USP31: variants seen among roughly 807,000 people sequenced by gnomAD.
USP31 encodes the protein ubiquitin specific peptidase 31, also known as ubiquitin carboxyl-terminal hydrolase 31.
A neutral mutation model predicts 119.4 loss-of-function variants in USP31; 44 were observed. That is an observed-to-expected ratio of 0.37 (90% CI 0.29 to 0.47). The LOEUF (loss-of-function observed/expected upper bound fraction) is 0.47. USP31 is among the 20% of genes least tolerant of loss of function. The pLI is 0.99. For missense variants in USP31, 1,643 were observed against 1,730.2 expected, an observed-to-expected ratio of 0.95 and a Z score of 0.89; for synonymous variants, 749 against 705.6, an observed-to-expected ratio of 1.06 and a Z score of -0.97.
chr16:23,097,361 C>CA (rs1190316619), intron 6 of USP31, among the ~76,000 whole-genome samples: 1 of 152,124 alleles, frequency 6.6e-6, no homozygotes, highest in African/African-American at 2.4e-5. Flanking sequence ...GCCTACCAAC[C>CA]AAAAAGAGTC....
chr16:23,072,243 G>C, intron 14 of USP31, 46 bp from the exon 15 acceptor site: 1 of 1,570,944 alleles, frequency 6.4e-7, no homozygotes, highest in Non-Finnish European at 8.6e-7. Context: ...GGGTCCCTCG[G>C]CCAGCCCTGA....
intron 1 of USP31, among the ~76,000 whole-genome samples, chr16:23,115,531 A>T (rs1902460346): frequency 6.6e-6 from 1 of 152,216 alleles, no homozygotes; most frequent in African/African-American, 2.4e-5. Flanking sequence ...AAAAGAAAAA[A>T]TAGAACATGC....
chr16:23,127,202 A>G (rs1902886660), intron 1 of USP31, among the ~76,000 whole-genome samples: 1 of 152,048 alleles, frequency 6.6e-6, no homozygotes, highest in Non-Finnish European at 1.5e-5. Context: ...CCAAGGCAGG[A>G]TGATTGCTTG....
chr16:23,079,257 A>C (rs926585101), intron 13 of USP31: 4 of 152,180 alleles, frequency 2.6e-5, no homozygotes, highest in African/African-American at 9.6e-5. Context: ...AAATGTTACC[A>C]GTGGTTATCT....
At chr16:23,147,516 T>C (rs1185589299) in intron 1 of USP31, among the ~76,000 whole-genome samples, 1 of 152,230 alleles carries the variant, frequency 6.6e-6, no homozygotes, top group East Asian at 1.9e-4. Flanking sequence ...AATTTCTTAG[T>C]GCATCCTAAA....
At position 23,148,916 on chromosome 16, in the gene USP31, AAGCGGGCGGCGCG is replaced by A; in HGVS notation, c.342_354del (p.Ala118SerfsTer18). ...ACGCCGGGCACCGGCTCGGCGGCGC[AAGCGGGCGGCGCG>A]GGAGAGGCGGGCGGCGGCGGGCACG... On this transcript the variant is annotated frameshift_variant, in exon 1 of 16. Transcript: ENST00000219689. LOFTEE classifies it high-confidence loss of function. The A allele has an allele frequency of 7.5e-7, 1 of 1,338,442 alleles. No homozygotes were observed. The highest frequency in any genetic ancestry group is 9.6e-7 in the Non-Finnish European group (1 of 1,038,330). The allele number at this position is 1,338,442 out of a possible 1,614,324, so 82.9% of individuals were successfully genotyped here.
rs1902108850 is a variant in USP31, at chr16:23,106,448, A to T, written c.811T>A (p.Phe271Ile). The stretch of plus-strand genomic sequence containing the variant: ...TGTACAAAAGTGCTACAGACAGGGA[A>T]AGATGGTCCCTCAGGCATCATATCA... ...ETDMMPEGPS[F>I]PVCSTFVQEL... Residue 271 changes from phenylalanine to isoleucine, a missense_variant, in exon 3 of 16, where the codon TTC becomes ATC. Phe to Ile is a conservative substitution (Grantham distance 21). Transcript: ENST00000219689. 1.2e-6 allele frequency: 2 copies of T among 1,613,802 alleles called. No individual in the cohort carries two copies. The highest frequency in any genetic ancestry group is 3.3e-5 in the Admixed American group (2 of 59,966).
chr16:23,110,004 A>C (rs530360971), intron 1 of USP31, among the ~76,000 whole-genome samples: 49 of 152,330 alleles, frequency 3.2e-4, no homozygotes, highest in African/African-American at 1.1e-3. Context: ...AAAACGCACA[A>C]GAGACTAACT....
intron 9 of USP31, among the ~76,000 whole-genome samples, chr16:23,086,746 A>G (rs1901127049): frequency 6.6e-6 from 1 of 152,204 alleles, no homozygotes; most frequent in Non-Finnish European, 1.5e-5. Context: ...TTTATTTTTT[A>G]GGCCACAAGT....
intron 1 of USP31, among the ~76,000 whole-genome samples, chr16:23,139,240 T>C (rs1903281335): frequency 1.3e-5 from 2 of 151,916 alleles, no homozygotes; most frequent in Admixed American, 6.6e-5. Context: ...CCATCTCTAC[T>C]AAAATACAAA....
intron 1 of USP31, among the ~76,000 whole-genome samples, chr16:23,128,452 T>A (rs1446042459): frequency 3.3e-5 from 5 of 152,132 alleles, no homozygotes; most frequent in Admixed American, 6.5e-5. Context: ...CTTAAACCCA[T>A]GAGCTCATAA....
intron 2 of USP31, among the ~76,000 whole-genome samples, chr16:23,107,682 T>G (rs1483669615): frequency 6.6e-6 from 1 of 152,218 alleles, no homozygotes; most frequent in African/African-American, 2.4e-5. Context: ...GTTTCCTTTA[T>G]GATTGTGTAT....
chr16:23,061,647 C>G lies in USP31; in HGVS notation c.*6399G>C, dbSNP rs1245028418. ...TAAAATAAATTTAAAATGTACGATA[C>G]ACTTTTCTTCCAGCCTCTAGGAAAG... On this transcript the variant is annotated 3_prime_UTR_variant, in exon 16 of 16. Transcript: ENST00000219689. 6.6e-6 allele frequency: 1 copy of G among 152,616 alleles called. No individual in the cohort carries two copies. Among genetic ancestry groups the G allele is most frequent in the African/African-American group, 2.4e-5 (1 of 41,446 alleles). 9.5% of individuals were successfully genotyped at this position (152,616 alleles called of 1,614,324 possible). A position where few individuals can be genotyped will look rare whatever the true frequency, so the allele number is the denominator to read the frequency against.
chr16:23,149,343 C>T lies in USP31; in HGVS notation c.-73G>A, dbSNP rs1007138713. 4.0e-6 allele frequency: 4 copies of T among 998,924 alleles called. No homozygotes were observed. In the African/African-American group the frequency reaches 7.0e-5, roughly 18 times the overall value. The allele number at this position is 998,924 out of a possible 1,614,324, so 61.9% of individuals were successfully genotyped here. ...GGCCCCGCCACGGCCGCCGCCGCATCCCGCAGCGCCGCGCCTCACCGGGCC... is the reference window on the plus strand; with the variant it reads ...GGCCCCGCCACGGCCGCCGCCGCATTCCGCAGCGCCGCGCCTCACCGGGCC... On this transcript the variant is annotated 5_prime_UTR_variant, in exon 1 of 16. Transcript: ENST00000219689.
In USP31 at chr16:23,062,303, T is replaced by C. The variant is rs1831465359; in HGVS notation, c.*5743A>G. ...ACAGAGTGCCAAATTCTGGGATGTGTATTACTTAATGGTAAAACAAACAAA... is the reference window on the plus strand; with the variant it reads ...ACAGAGTGCCAAATTCTGGGATGTGCATTACTTAATGGTAAAACAAACAAA... On this transcript the variant is annotated 3_prime_UTR_variant, in exon 16 of 16. Coordinates refer to ENST00000219689, the MANE Select transcript of USP31 (RefSeq NM_020718.4). 6.6e-6 allele frequency: 1 copy of C among 152,108 alleles called. No individual in the cohort carries two copies. Among genetic ancestry groups the C allele is most frequent in the South Asian group, 2.1e-4 (1 of 4,810 alleles). The allele number at this position is 152,108 out of a possible 1,614,324, so 9.4% of individuals were successfully genotyped here. A position where few individuals can be genotyped will look rare whatever the true frequency, so the allele number is the denominator to read the frequency against.
At chr16:23,140,176 A>C (rs1239541903) in intron 1 of USP31, among the ~76,000 whole-genome samples, 2 of 152,204 alleles carry the variant, frequency 1.3e-5, no homozygotes, top group East Asian at 1.9e-4. Flanking sequence ...TTGCAGCCTC[A>C]AGGCTAAACT....
intron 1 of USP31, among the ~76,000 whole-genome samples, chr16:23,127,578 T>C (rs1189210068): frequency 6.6e-6 from 1 of 151,630 alleles, no homozygotes; most frequent in Non-Finnish European, 1.5e-5. Context: ...TTCTCCTGCC[T>C]CAGCCTCCCA....
chr16:23,120,472 C>T (rs549686755), intron 1 of USP31, among the ~76,000 whole-genome samples: 13 of 152,288 alleles, frequency 8.5e-5, no homozygotes, highest in African/African-American at 3.1e-4. Context: ...TAACTCTAAA[C>T]CCAAAGCCCA....
intron 1 of USP31, among the ~76,000 whole-genome samples, chr16:23,134,542 C>T (rs1038696431): frequency 2.6e-5 from 4 of 152,012 alleles, no homozygotes; most frequent in African/African-American, 9.7e-5. Flanking sequence ...AGGATTTGAA[C>T]ACTAACCACT....
Sources: gnomAD v4.1 joint callset for allele counts (sites outside exome capture counted in the v4.1 genomes callset) on GRCh38, gnomAD v4.1.1 for gene constraint, MANE v1.5 for transcripts, NCBI Gene and HGNC (gene_info 2026-07-23, HGNC 2026-07-21) for gene names.